The following CTNNA3 variants were observed in gnomAD, a reference collection of about 807,000 sequenced individuals.
CTNNA3 encodes catenin alpha 3.
A neutral mutation model predicts 95.7 loss-of-function variants in CTNNA3; 76 were observed. That is an observed-to-expected ratio of 0.79 (90% CI 0.66 to 0.96). The LOEUF is 0.96. Ranked by LOEUF, CTNNA3 falls within the 40% of genes least tolerant of loss-of-function variation. The probability of loss-of-function intolerance (pLI) is 0.00; values close to 1 mark genes in which losing one functional copy is unlikely to be tolerated. For missense variants in CTNNA3, 1,191 were observed against 1,089.8 expected, an observed-to-expected ratio of 1.09 and a Z score of -1.31; for synonymous variants, 431 against 374.4, an observed-to-expected ratio of 1.15 and a Z score of -1.74.
chr10:66,915,629 A>G (rs553742066), intron 7 of CTNNA3, among the ~76,000 whole-genome samples: 1 of 151,870 alleles, frequency 6.6e-6, no homozygotes, highest in Non-Finnish European at 1.5e-5. Flanking sequence ...GGAGCCAAGA[A>G]ATGGAGTGCT....
chr10:66,191,284 A>C (rs1485305484), intron 13 of CTNNA3, among the ~76,000 whole-genome samples: 1 of 152,262 alleles, frequency 6.6e-6, no homozygotes, highest in East Asian at 1.9e-4. Flanking sequence ...CCAGGAATAA[A>C]ATAAGACAAT....
intron 12 of CTNNA3, among the ~76,000 whole-genome samples, chr10:66,309,959 T>TAAAAA (rs1205449652): frequency 1.4e-5 from 2 of 140,136 alleles, no homozygotes; most frequent in African/African-American, 5.2e-5. Context: ...ATAAATAAAA[T>TAAAAA]AAAAATAAAA....
At chr10:67,651,598 C>A (rs1436899036) in intron 1 of CTNNA3, among the ~76,000 whole-genome samples, 2 of 152,122 alleles carry the variant, frequency 1.3e-5, no homozygotes, top group African/African-American at 4.8e-5. Flanking sequence ...ATGTAATGAT[C>A]AATTAATAAA....
intron 11 of CTNNA3, among the ~76,000 whole-genome samples, chr10:66,463,775 A>G (rs2093545229): frequency 6.6e-6 from 1 of 152,124 alleles, no homozygotes; most frequent in Non-Finnish European, 1.5e-5. Context: ...CAGCCTCGTC[A>G]AAAATAGGTC....
intron 7 of CTNNA3, among the ~76,000 whole-genome samples, chr10:66,839,443 T>C (rs1842977333): frequency 1.3e-5 from 2 of 152,120 alleles, no homozygotes; most frequent in Non-Finnish European, 1.5e-5. Context: ...GGCATAAAAG[T>C]ATACAGAATT....
At chr10:67,317,369 C>G (rs1346099962) in intron 5 of CTNNA3, among the ~76,000 whole-genome samples, 85 of 151,372 alleles carry the variant, frequency 5.6e-4, no homozygotes, top group African/African-American at 1.5e-3. Flanking sequence ...CCCGTCCCCC[C>G]ACCCCACAAC....
chr10:67,214,321 G>A (rs1227307827), intron 6 of CTNNA3, among the ~76,000 whole-genome samples: 1 of 151,374 alleles, frequency 6.6e-6, no homozygotes, highest in Admixed American at 6.6e-5. Context: ...AGTTACTATA[G>A]ACATTTTAAC....
intron 1 of CTNNA3, among the ~76,000 whole-genome samples, chr10:67,729,524 A>T (rs1425487353): frequency 6.6e-6 from 1 of 152,166 alleles, no homozygotes; most frequent in Non-Finnish European, 1.5e-5. Context: ...GCTAAATTCA[A>T]AGAACACAAT....
intron 10 of CTNNA3, among the ~76,000 whole-genome samples, chr10:66,535,220 C>G (rs181002671): frequency 5.1e-4 from 77 of 152,040 alleles, no homozygotes; most frequent in African/African-American, 1.8e-3. Context: ...AAAAATTACC[C>G]AAGGAAAACA....
intron 7 of CTNNA3, among the ~76,000 whole-genome samples, chr10:66,861,947 G>T (rs767930318): frequency 6.6e-6 from 1 of 152,100 alleles, no homozygotes; most frequent in Non-Finnish European, 1.5e-5. Context: ...AGCCACTGTG[G>T]GTCACACCTG....
chr10:67,669,925 C>T (rs1840399475), intron 1 of CTNNA3, among the ~76,000 whole-genome samples: 1 of 152,100 alleles, frequency 6.6e-6, no homozygotes, highest in South Asian at 2.1e-4. Context: ...AGCAAGAAAA[C>T]CTGGTACTGA....
At chr10:66,795,615 CCAA>C (rs536895859) in intron 7 of CTNNA3, among the ~76,000 whole-genome samples, 83 of 152,252 alleles carry the variant, frequency 5.5e-4, no homozygotes, top group Non-Finnish European at 1.1e-3. Flanking sequence ...GCTCTAGCCA[CCAA>C]CAACAGAGTG....
At chr10:67,101,459 T>C (rs974114361) in intron 7 of CTNNA3, among the ~76,000 whole-genome samples, 6 of 151,894 alleles carry the variant, frequency 4.0e-5, no homozygotes, top group East Asian at 1.9e-4. Flanking sequence ...TCCATTTTCT[T>C]ATAAGAAAAA....
intron 5 of CTNNA3, among the ~76,000 whole-genome samples, chr10:67,425,962 T>G (rs1201181744): frequency 2.6e-5 from 4 of 152,102 alleles, no homozygotes; most frequent in Non-Finnish European, 4.4e-5. Flanking sequence ...TTGGCTTATT[T>G]GAGAACTAGG....
rs10997453 is a variant in CTNNA3, at chr10:66,960,988, A to C, written c.1048-185464T>G. Among the ~76,000 whole-genome samples, 1,139 of 152,258 alleles carry C rather than the reference A, an allele frequency of 7.5e-3. 16 individuals carry two copies. Among genetic ancestry groups the C allele is most frequent in the African/African-American group, 0.026 (1,086 of 41,568 alleles). On this transcript the variant is annotated intron_variant, in intron 7 of 17. Transcript: ENST00000433211. ...TGAGAACAATGTTTTTAAATGCATA[A>C]ATAAAAATATAGGACTATAAATAAC...
At chr10:66,329,876 C>T (rs936252985) in intron 12 of CTNNA3, among the ~76,000 whole-genome samples, 4 of 151,922 alleles carry the variant, frequency 2.6e-5, no homozygotes, top group Non-Finnish European at 4.4e-5. Flanking sequence ...GTTACAAGGA[C>T]CCATATTACA....
chr10:66,904,612 T>C (rs935625198), intron 7 of CTNNA3, among the ~76,000 whole-genome samples: 11 of 152,080 alleles, frequency 7.2e-5, no homozygotes, highest in Non-Finnish European at 1.5e-4. Context: ...TTTTACAATC[T>C]ACCCATCTGA....
At chr10:67,679,985 A>G (rs1052503912) in intron 1 of CTNNA3, among the ~76,000 whole-genome samples, 2 of 152,282 alleles carry the variant, frequency 1.3e-5, no homozygotes, top group African/African-American at 4.8e-5. Context: ...GGACTGGTTA[A>G]ATAAATTGTC....
chr10:66,899,174 C>T (rs549151851), intron 7 of CTNNA3, among the ~76,000 whole-genome samples: 168 of 152,144 alleles, frequency 1.1e-3, no homozygotes, highest in African/African-American at 3.9e-3. Context: ...CACACACCTG[C>T]TAGGATGGCT....
Sources: gnomAD v4.1 joint callset for allele counts (sites outside exome capture counted in the v4.1 genomes callset) on GRCh38, gnomAD v4.1.1 for gene constraint, MANE v1.5 for transcripts, NCBI Gene and HGNC (gene_info 2026-07-23, HGNC 2026-07-21) for gene names.